The following SYN2 variants were observed in gnomAD, a reference collection of about 807,000 sequenced individuals.
SYN2 encodes synapsin-2.
SYN2 carries 19 observed loss-of-function variants against 50.9 expected under a neutral mutation model. That is an observed-to-expected ratio of 0.37 (90% CI 0.26 to 0.55). The LOEUF (loss-of-function observed/expected upper bound fraction) is 0.55, where lower values mean the gene tolerates loss of function less well. Ranked by LOEUF, SYN2 falls within the 20% of genes least tolerant of loss-of-function variation. The pLI, the probability that SYN2 is intolerant of heterozygous loss-of-function variation, is 0.81. For synonymous variants in SYN2, 255 were observed against 224.9 expected (o/e 1.13, Z -1.20); for missense variants, 587 against 576.4 (o/e 1.02, Z -0.19).
chr3:12,056,123 G>C (rs949219618), intron 1 of SYN2, among the ~76,000 whole-genome samples: 1 of 151,852 alleles, frequency 6.6e-6, no homozygotes, highest in Admixed American at 6.6e-5. Context: ...GGATGCACAG[G>C]GAAACCTGTG....
At chr3:12,137,385 C>A (rs1342927191) in intron 1 of SYN2, among the ~76,000 whole-genome samples, 1 of 151,820 alleles carries the variant, frequency 6.6e-6, no homozygotes, top group African/African-American at 2.4e-5. Flanking sequence ...TCATCTTTTT[C>A]TTGGGTGGGG....
At chr3:12,090,990 A>G (rs1163340267) in intron 1 of SYN2, among the ~76,000 whole-genome samples, 1 of 152,236 alleles carries the variant, frequency 6.6e-6, no homozygotes, top group Non-Finnish European at 1.5e-5. Context: ...TTTTAATATC[A>G]GCATGTTTTA....
chr3:12,047,996 G>A (rs1410275332), intron 1 of SYN2, among the ~76,000 whole-genome samples: 1 of 152,172 alleles, frequency 6.6e-6, no homozygotes, highest in Non-Finnish European at 1.5e-5. Context: ...TACAAGTTAC[G>A]TACGTTGTGT....
At chr3:12,103,050 C>A (rs1163650493) in intron 1 of SYN2, among the ~76,000 whole-genome samples, 1 of 152,056 alleles carries the variant, frequency 6.6e-6, no homozygotes, top group Non-Finnish European at 1.5e-5. Context: ...TTTGGTTAAT[C>A]TCCACAGCAA....
intron 7 of SYN2, 67 bp from the exon 8 acceptor site, chr3:12,167,167 A>G: frequency 1.3e-6 from 2 of 1,521,688 alleles, no homozygotes; most frequent in Non-Finnish European, 1.8e-6. Context: ...AATTCTGGAA[A>G]GTTGCATGCC....
chr3:12,113,852 T>C (rs569063633), intron 1 of SYN2, among the ~76,000 whole-genome samples: 1 of 152,286 alleles, frequency 6.6e-6, no homozygotes, highest in East Asian at 1.9e-4. Context: ...CATCAGTTGA[T>C]GGACATTTTG....
chr3:12,093,457 G>C (rs1309966331), intron 1 of SYN2, among the ~76,000 whole-genome samples: 1 of 152,180 alleles, frequency 6.6e-6, no homozygotes, highest in Non-Finnish European at 1.5e-5. Context: ...TTTGTCTCCT[G>C]TGGGTCAGAG....
intron 1 of SYN2, among the ~76,000 whole-genome samples, chr3:12,065,886 A>G (rs1695206117): frequency 6.6e-6 from 1 of 152,098 alleles, no homozygotes; most frequent in Non-Finnish European, 1.5e-5. Flanking sequence ...AGCCAGTAAC[A>G]AGAGACCACA....
intron 1 of SYN2, among the ~76,000 whole-genome samples, chr3:12,118,071 A>G (rs1486441598): frequency 6.6e-6 from 1 of 152,214 alleles, no homozygotes; most frequent in Non-Finnish European, 1.5e-5. Context: ...TAGCATGACA[A>G]CAGAAACAGC....
At chr3:12,063,088 G>A (rs1559405024) in intron 1 of SYN2, among the ~76,000 whole-genome samples, 2 of 151,268 alleles carry the variant, frequency 1.3e-5, no homozygotes, top group Non-Finnish European at 3.0e-5. Flanking sequence ...TGGGAGGGGA[G>A]GACTTAAATA....
At chr3:12,052,110 C>A (rs943406322) in intron 1 of SYN2, among the ~76,000 whole-genome samples, 2 of 152,184 alleles carry the variant, frequency 1.3e-5, no homozygotes, top group Non-Finnish European at 2.9e-5. Context: ...TCGATATTCA[C>A]ATTTTAGTAT....
intron 11 of SYN2, chr3:12,183,856 A>G (rs1698281056): frequency 9.7e-7 from 1 of 1,026,792 alleles, no homozygotes; most frequent in Non-Finnish European, 1.2e-6. Flanking sequence ...CCTCCCCCCA[A>G]GCTCAGTTAA....
chr3:12,018,053 A>G (rs772692158), intron 1 of SYN2, among the ~76,000 whole-genome samples: 2 of 152,192 alleles, frequency 1.3e-5, no homozygotes, highest in Non-Finnish European at 2.9e-5. Flanking sequence ...CTCATTTTAC[A>G]TATGAAGGAA....
chr3:12,039,549 A>ATTTTTTTTTTTTTTTTTTTTTTTTT (rs60746238), intron 1 of SYN2, among the ~76,000 whole-genome samples: 2 of 118,010 alleles, frequency 1.7e-5, no homozygotes, highest in Non-Finnish European at 1.7e-5. Context: ...AGAAGCAAAG[A>ATTTTTTTTTTTTTTTTTTTTTTTTT]TTTTTTTTTT....
intron 1 of SYN2, among the ~76,000 whole-genome samples, chr3:12,034,385 A>G (rs1466418179): frequency 6.6e-6 from 1 of 152,130 alleles, no homozygotes; most frequent in Admixed American, 6.6e-5. Flanking sequence ...TGATTGGGCT[A>G]ATTTAATTGA....
intron 1 of SYN2, among the ~76,000 whole-genome samples, chr3:12,057,287 C>CTGTCTGTGTGTG (rs71044259): frequency 0.11 from 15,154 of 133,770 alleles, 975 homozygotes; most frequent in South Asian, 0.15. Flanking sequence ...GCAAGACTGT[C>CTGTCTGTGTGTG]TGTGTGTGTG....
intron 1 of SYN2, among the ~76,000 whole-genome samples, chr3:12,005,464 A>G (rs1490634838): frequency 6.6e-6 from 1 of 152,104 alleles, no homozygotes; most frequent in Non-Finnish European, 1.5e-5. Flanking sequence ...TGATGAAATC[A>G]CACATGTAGT....
At chr3:12,046,651 A>G (rs1210229400) in intron 1 of SYN2, among the ~76,000 whole-genome samples, 1 of 152,186 alleles carries the variant, frequency 6.6e-6, no homozygotes, top group Non-Finnish European at 1.5e-5. Flanking sequence ...GGAAATTATT[A>G]AAAGGCTATT....
chr3:12,187,003 C>T (rs554420930), intron 11 of SYN2, among the ~76,000 whole-genome samples: 1 of 152,278 alleles, frequency 6.6e-6, no homozygotes, highest in South Asian at 2.1e-4. Flanking sequence ...TGAGACTTCC[C>T]AATAAACCCT....
Sources: allele counts gnomAD v4.1 joint callset (sites outside exome capture counted in the v4.1 genomes callset), GRCh38; gene constraint gnomAD v4.1.1; transcripts MANE v1.5; gene names NCBI Gene and HGNC (gene_info 2026-07-23, HGNC 2026-07-21).